Variants in TIAM2 observed in about 807,000 individuals in gnomAD.
The protein encoded by TIAM2 is TIAM Rac1 associated GEF 2.
In TIAM2, 80 loss-of-function variants were observed where a neutral mutation model predicts 152.9. The ratio of observed to expected loss-of-function variants is 0.52; its 90% CI spans 0.44 to 0.63. The LOEUF (loss-of-function observed/expected upper bound fraction) is 0.63. Among genes scored for constraint, TIAM2 ranks in the 30% least tolerant of loss-of-function variants. The pLI is 0.00. For synonymous variants in TIAM2, 804 were observed against 838.0 expected (o/e 0.96, Z 0.70); for missense variants, 1,965 against 2,120.1 (o/e 0.93, Z 1.44).
rs1009675118 is a variant in TIAM2, at chr6:155,156,393, G to A, written c.2029-8022G>A. Among the ~76,000 whole-genome samples the A allele has an allele frequency of 6.6e-6, 1 of 152,130 alleles. No individual in the cohort carries two copies. The highest frequency in any genetic ancestry group is 1.5e-5 in the Non-Finnish European group (1 of 68,024). On this transcript the variant is annotated intron_variant, in intron 7 of 26. Coordinates refer to ENST00000682666, the MANE Select transcript of TIAM2 (RefSeq NM_012454.4). This position sits in a 1 kb window ranked among gnomAD's most constrained non-coding sequence, Gnocchi z 4.4. ...ATCTGGGTCAGGTGCAGTGGCTCAT[G>A]CCTGTAATCCCAGCATTTTGGGAGG...
At chr6:155,197,015 A>C (rs1781361736) in intron 14 of TIAM2, among the ~76,000 whole-genome samples, 2 of 152,262 alleles carry the variant, frequency 1.3e-5, no homozygotes, top group Admixed American at 1.3e-4. Flanking sequence ...AATTGTTAAC[A>C]AAATTATTGT....
chr6:155,244,750 C>CT lies in TIAM2; in HGVS notation c.3513dup (p.Asn1172Ter), dbSNP rs1234438913. 3.1e-6 allele frequency: 5 copies of CT among 1,613,698 alleles called. No individual in the cohort carries two copies. Among genetic ancestry groups the CT allele is most frequent in the East Asian group, 4.5e-5 (2 of 44,876 alleles). On this transcript the variant is annotated frameshift_variant, in exon 18 of 27. Coordinates refer to ENST00000682666, the MANE Select transcript of TIAM2 (RefSeq NM_012454.4). LOFTEE classifies it high-confidence loss of function. ...AGGATGGGATTTCAGCATCATCTGACTTTAACACCCTAGAAACCCCCTCAC... is the reference window on the plus strand; with the variant it reads ...AGGATGGGATTTCAGCATCATCTGACTTTTAACACCCTAGAAACCCCCTCAC...
intron 2 of TIAM2, among the ~76,000 whole-genome samples, chr6:155,105,427 G>A (rs1355777129): frequency 6.6e-6 from 1 of 152,088 alleles, no homozygotes; most frequent in Non-Finnish European, 1.5e-5. Flanking sequence ...TGGAATTATG[G>A]CATGAGCCAT....
At position 155,004,603 on chromosome 6, in the gene TIAM2, C is replaced by T. The variant is rs184327321; in HGVS notation, c.-209+9111C>T. Among the ~76,000 whole-genome samples the T allele has an allele frequency of 2.5e-3, 384 of 152,090 alleles. 1 individual carries two copies. The highest frequency in any genetic ancestry group is 8.7e-3 in the African/African-American group (362 of 41,440). ...TAGAGACGGGGTTTCACCGTGTTAG[C>T]GAGGATGGCCTCAATCTCCTGACCT... On this transcript the variant is annotated intron_variant, in intron 1 of 26. Transcript: ENST00000682666.
At chr6:155,099,879 T>G (rs1778515074) in intron 2 of TIAM2, among the ~76,000 whole-genome samples, 3 of 152,250 alleles carry the variant, frequency 2.0e-5, no homozygotes, top group Non-Finnish European at 2.9e-5. Flanking sequence ...CTATATGGCA[T>G]AGCCTATGCT....
intron 19 of TIAM2, among the ~76,000 whole-genome samples, chr6:155,246,431 T>C (rs954549649): frequency 3.3e-5 from 5 of 152,200 alleles, no homozygotes; most frequent in African/African-American, 1.2e-4. Context: ...CTTTAGACAG[T>C]TGCTGAACTC....
rs143754561 is a variant in TIAM2 at position 155,251,017 on chromosome 6, A to G, written c.4056A>G (p.Val1352=). Residue 1352 remains valine, a synonymous_variant, in exon 22 of 27, where the codon GTA becomes GTG. Coordinates refer to ENST00000682666, the MANE Select transcript of TIAM2 (RefSeq NM_012454.4). ...GKARKDLELT[V]FVFKRAVILV... ...CTAGAAAGGACCTTGAGCTCACAGT[A>G]TTTGGTTAGTATTCCATTCAGAAGA... The G allele has an allele frequency of 1.3e-5, 21 of 1,613,732 alleles. No individual in the cohort carries two copies. The highest frequency in any genetic ancestry group is 1.8e-5 in the Non-Finnish European group (21 of 1,179,678).
intron 14 of TIAM2, among the ~76,000 whole-genome samples, chr6:155,184,683 A>G (rs1780992074): frequency 6.6e-6 from 1 of 152,184 alleles, no homozygotes; most frequent in African/African-American, 2.4e-5. Context: ...AGTTGTTAGG[A>G]TTGATTTAAT....
At chr6:155,235,228 C>T (rs527722674) in intron 15 of TIAM2, among the ~76,000 whole-genome samples, 4 of 152,236 alleles carry the variant, frequency 2.6e-5, no homozygotes, top group Admixed American at 6.5e-5. Context: ...TCGGCAAACA[C>T]GAGTTTCCTT....
intron 1 of TIAM2, among the ~76,000 whole-genome samples, chr6:155,047,728 AGAGAGAGAGAGAGAGAG>A (rs1777228125): frequency 1.4e-4 from 19 of 132,476 alleles, no homozygotes; most frequent in Admixed American, 6.8e-4. Context: ...AGAGAGAGCG[AGAGAGAGAGAGAGAGAG>A]CGAGCGCACA....
intron 14 of TIAM2, among the ~76,000 whole-genome samples, chr6:155,206,610 G>T (rs769604981): frequency 2.6e-5 from 4 of 152,158 alleles, no homozygotes; most frequent in African/African-American, 4.8e-5. Flanking sequence ...CCTTGTACTT[G>T]GTGGATGCAC....
intron 14 of TIAM2, among the ~76,000 whole-genome samples, chr6:155,210,559 A>C (rs1167867231): frequency 6.6e-6 from 1 of 151,584 alleles, no homozygotes; most frequent in African/African-American, 2.4e-5. Flanking sequence ...GTGGTCTCGA[A>C]CTCCTGGTCT....
At chr6:155,089,820 G>A (rs941907812) in intron 1 of TIAM2, among the ~76,000 whole-genome samples, 1 of 152,180 alleles carries the variant, frequency 6.6e-6, no homozygotes, top group African/African-American at 2.4e-5. Context: ...CCACTTGAAT[G>A]GAGCTCAGTG....
chr6:155,162,853 T>G (rs1165098110), intron 7 of TIAM2, among the ~76,000 whole-genome samples: 1 of 152,226 alleles, frequency 6.6e-6, no homozygotes. Context: ...GATGTTGACA[T>G]TGTTTCAATG....
At chr6:155,150,026 T>A (rs1274017809) in intron 7 of TIAM2, among the ~76,000 whole-genome samples, 1 of 152,080 alleles carries the variant, frequency 6.6e-6, no homozygotes, top group Non-Finnish European at 1.5e-5. Flanking sequence ...TGGAATAATG[T>A]ATCAATTGGC....
rs1445942012 is a variant in TIAM2 at position 154,995,864 on chromosome 6, G to T, written c.-209+372G>T. Among the ~76,000 whole-genome samples the T allele has an allele frequency of 1.3e-5, 2 of 152,190 alleles. No homozygotes were observed. Among genetic ancestry groups the T allele is most frequent in the Non-Finnish European group, 2.9e-5 (2 of 68,032 alleles). The stretch of plus-strand genomic sequence containing the variant: ...CGGCGCCCCGGCCTCCTGATACCGA[G>T]GTTCTCGCCCAAAGCCGAGCCGTGG... On this transcript the variant is annotated intron_variant, in intron 1 of 26. Transcript: ENST00000682666. This position sits in a 1 kb window ranked among gnomAD's most constrained non-coding sequence, Gnocchi z 5.2.
intron 1 of TIAM2, among the ~76,000 whole-genome samples, chr6:155,071,581 C>T (rs1227245426): frequency 6.6e-6 from 1 of 152,152 alleles, no homozygotes; most frequent in East Asian, 1.9e-4. Flanking sequence ...GAACAGAGAT[C>T]TGTGCAAGGT....
At chr6:155,043,538 G>T (rs1777093481) in intron 1 of TIAM2, among the ~76,000 whole-genome samples, 1 of 150,938 alleles carries the variant, frequency 6.6e-6, no homozygotes, top group Non-Finnish European at 1.5e-5. Flanking sequence ...AGAGGCTGAG[G>T]CAGGAGGATT....
rs540347807 is a variant in TIAM2, at chr6:155,058,764, C to A, written c.-208-31525C>A. On this transcript the variant is annotated intron_variant, in intron 1 of 26. Coordinates refer to ENST00000682666, the MANE Select transcript of TIAM2 (RefSeq NM_012454.4). ...AAAGCTCATGATGATGATCATTACC[C>A]ACTATACTGTGTTTCTCAGCGGTCT... Among the ~76,000 whole-genome samples the A allele has an allele frequency of 2.6e-5, 4 of 152,296 alleles. No homozygotes were observed. In the South Asian group the frequency reaches 8.3e-4, roughly 32 times the overall value.
Sources: allele counts gnomAD v4.1 joint callset (sites outside exome capture counted in the v4.1 genomes callset), GRCh38; gene constraint gnomAD v4.1.1; non-coding constraint Gnocchi (gnomAD v3.1); transcripts MANE v1.5; gene names NCBI Gene and HGNC (gene_info 2026-07-23, HGNC 2026-07-21).